SPIRE1: variants seen among roughly 807,000 people sequenced by gnomAD.
The protein encoded by SPIRE1 is spire type actin nucleation factor 1.
Under a neutral mutation model 94.1 loss-of-function variants are expected in SPIRE1, and 40 were observed. The ratio of observed to expected loss-of-function variants is 0.43; its 90% confidence interval spans 0.33 to 0.55. SPIRE1 has a LOEUF of 0.55. SPIRE1 is among the 20% of genes least tolerant of loss of function. The pLI is 0.06. For synonymous variants in SPIRE1, 376 were observed against 371.7 expected (o/e 1.01, Z -0.13); for missense variants, 838 against 975.2 (o/e 0.86, Z 1.87).
At chr18:12,588,460 TAG>T (rs1303585994) in intron 2 of SPIRE1, 2 of 152,214 alleles carry the variant, frequency 1.3e-5, no homozygotes, top group African/African-American at 2.4e-5. Flanking sequence ...GTTTAAATAG[TAG>T]AGATTTATAT....
chr18:12,519,783 G>A (rs569821565), intron 4 of SPIRE1, among the ~76,000 whole-genome samples: 1 of 152,280 alleles, frequency 6.6e-6, no homozygotes, highest in East Asian at 1.9e-4. Flanking sequence ...TTATCACTGT[G>A]AAAACACATT....
intron 2 of SPIRE1, among the ~76,000 whole-genome samples, chr18:12,587,523 G>A (rs1033494485): frequency 2.0e-5 from 3 of 151,062 alleles, no homozygotes; most frequent in African/African-American, 7.3e-5. Context: ...AACACAGAAA[G>A]GTTCTCAATT....
At chr18:12,557,379 C>A (rs964703379) in intron 2 of SPIRE1, among the ~76,000 whole-genome samples, 1 of 152,248 alleles carries the variant, frequency 6.6e-6, no homozygotes, top group African/African-American at 2.4e-5. Context: ...CCCTCTGCAG[C>A]TGCTGGCCCA....
intron 2 of SPIRE1, among the ~76,000 whole-genome samples, chr18:12,576,477 G>A (rs967521465): frequency 6.6e-6 from 1 of 150,958 alleles, no homozygotes; most frequent in African/African-American, 2.4e-5. Flanking sequence ...AGCACTTTGG[G>A]AGGCTGAGGC....
At chr18:12,635,558 T>C (rs1447429780) in intron 1 of SPIRE1, among the ~76,000 whole-genome samples, 1 of 152,222 alleles carries the variant, frequency 6.6e-6, no homozygotes, top group Non-Finnish European at 1.5e-5. Flanking sequence ...CTTTCTTTAA[T>C]ATATGCTGAC....
intron 2 of SPIRE1, among the ~76,000 whole-genome samples, chr18:12,615,352 A>G (rs1419025518): frequency 1.2e-5 from 1 of 83,450 alleles, no homozygotes; most frequent in African/African-American, 4.0e-5. Context: ...AAAAATATAT[A>G]TATATATATA....
chr18:12,626,948 C>A (rs1404025490), intron 2 of SPIRE1, among the ~76,000 whole-genome samples: 1 of 137,514 alleles, frequency 7.3e-6, no homozygotes, highest in Non-Finnish European at 1.6e-5. Flanking sequence ...GTTAACAGGT[C>A]TGAACTCTTT....
chr18:12,491,210 G>A (rs2143847788), intron 8 of SPIRE1, among the ~76,000 whole-genome samples: 1 of 140,874 alleles, frequency 7.1e-6, no homozygotes, highest in East Asian at 2.0e-4. Flanking sequence ...CTGTTAACAT[G>A]TGAATACTAC....
chr18:12,465,454 G>A (rs1007799615), intron 10 of SPIRE1, among the ~76,000 whole-genome samples: 3 of 152,142 alleles, frequency 2.0e-5, no homozygotes, highest in Admixed American at 6.5e-5. Context: ...CACCTGGCCT[G>A]AGCATGTTTC....
chr18:12,551,664 T>C (rs2035353636), intron 2 of SPIRE1, among the ~76,000 whole-genome samples: 1 of 150,566 alleles, frequency 6.6e-6, no homozygotes, highest in Non-Finnish European at 1.5e-5. Context: ...ATCACGCCAC[T>C]GCACTCCAGT....
chr18:12,479,989 T>G (rs2032781295), intron 9 of SPIRE1, 118 bp from the exon 10 acceptor site: 1 of 912,878 alleles, frequency 1.1e-6, no homozygotes, highest in African/African-American at 1.7e-5. Flanking sequence ...CAGTAACACC[T>G]TGCCTATGTA....
chr18:12,661,453 C>G (rs747349674), upstream of SPIRE1: 3 of 565,662 alleles, frequency 5.3e-6, no homozygotes, highest in Non-Finnish European at 6.7e-6. Flanking sequence ...CAGCACTGTC[C>G]CATTTTCTCA....
intron 9 of SPIRE1, among the ~76,000 whole-genome samples, chr18:12,482,146 GTTAT>G (rs948016298): frequency 4.6e-5 from 7 of 152,124 alleles, no homozygotes; most frequent in African/African-American, 1.4e-4. Context: ...AGTTTTGGCA[GTTAT>G]TTATTTTTTA....
At chr18:12,512,163 G>C (rs1419720630) in intron 5 of SPIRE1, among the ~76,000 whole-genome samples, 1 of 152,156 alleles carries the variant, frequency 6.6e-6, no homozygotes, top group African/African-American at 2.4e-5. Context: ...TCAGGAGTTT[G>C]AGACCAGCCT....
At chr18:12,522,914 A>G (rs1445837328) in intron 4 of SPIRE1, among the ~76,000 whole-genome samples, 2 of 152,222 alleles carry the variant, frequency 1.3e-5, no homozygotes, top group Non-Finnish European at 2.9e-5. Context: ...CTAACACAAC[A>G]TCTATTGTAC....
intron 9 of SPIRE1, among the ~76,000 whole-genome samples, chr18:12,483,447 G>T (rs1412467266): frequency 6.6e-6 from 1 of 152,028 alleles, no homozygotes; most frequent in Non-Finnish European, 1.5e-5. Flanking sequence ...TTTAAGAGGT[G>T]AAATATTTAG....
rs143141455 is a variant in SPIRE1, at chr18:12,546,709, T to G, written c.568A>C (p.Ile190Leu). Residue 190 changes from isoleucine to leucine, a missense_variant, in exon 3 of 17, where the codon ATC becomes CTC. By Grantham distance (5) the Ile-to-Leu change is conservative (BLOSUM62 2). Around this residue, in one of 2 missense-constraint regions of SPIRE1, gnomAD observed 645 missense variants for 804.7 expected, o/e 0.80. Transcript: ENST00000409402. ...GLGDEDEKRK[I>L]SAIRSYRDVM... ...TCTCTATATGACCGAATAGCTGAGA[T>G]TTTTCTCTTTTCATCTTCATCTCCC... The G allele has an allele frequency of 6.2e-6, 10 of 1,614,032 alleles. No individual in the cohort carries two copies. The East Asian group carries it at 2.2e-4, about 36-fold the overall frequency.
chr18:12,585,384 G>C (rs947049267), intron 2 of SPIRE1, among the ~76,000 whole-genome samples: 2 of 152,138 alleles, frequency 1.3e-5, no homozygotes, highest in Admixed American at 6.6e-5. Context: ...CCAGACAAAA[G>C]GCTTTCAACA....
intron 6 of SPIRE1, among the ~76,000 whole-genome samples, chr18:12,497,722 A>T (rs2033509543): frequency 6.6e-6 from 1 of 152,150 alleles, no homozygotes; most frequent in Non-Finnish European, 1.5e-5. Context: ...CTACTTGTGG[A>T]TTTCATATTA....
Sources: gnomAD v4.1 joint callset for allele counts (sites outside exome capture counted in the v4.1 genomes callset) on GRCh38, gnomAD v4.1.1 for gene constraint, gnomAD v4.1.1 regional missense constraint, MANE v1.5 for transcripts, NCBI Gene and HGNC (gene_info 2026-07-23, HGNC 2026-07-21) for gene names.